Variants in CORO1C observed in about 807,000 individuals in gnomAD.
CORO1C encodes the protein coronin-1C.
CORO1C carries 14 observed loss-of-function variants against 51.2 expected under a neutral mutation model. The observed-to-expected ratio is 0.27, with a 90% CI of 0.18 to 0.43. The LOEUF (loss-of-function observed/expected upper bound fraction) is 0.43, where lower values mean the gene tolerates loss of function less well. Ranked by LOEUF, CORO1C falls within the 20% of genes least tolerant of loss-of-function variation. The pLI, the probability that CORO1C is intolerant of heterozygous loss-of-function variation, is 1.00. For synonymous variants in CORO1C, 181 were observed against 210.5 expected (o/e 0.86, Z 1.21); for missense variants, 417 against 607.8 (o/e 0.69, Z 3.30).
intron 2 of CORO1C, 46 bp from the exon 3 acceptor site, chr12:108,678,440 A>T (rs1405002097): frequency 6.9e-7 from 1 of 1,447,352 alleles, no homozygotes; most frequent in South Asian, 1.5e-5. Context: ...TCAACACCAC[A>T]GACGTTATAC....
chr12:108,665,274 A>T (rs2033429948), intron 3 of CORO1C, among the ~76,000 whole-genome samples: 1 of 152,188 alleles, frequency 6.6e-6, no homozygotes, highest in Non-Finnish European at 1.5e-5. Flanking sequence ...ATTAATTTTT[A>T]AAATAAGGAA....
At chr12:108,724,302 G>A (rs577426132) in intron 1 of CORO1C, among the ~76,000 whole-genome samples, 2 of 152,250 alleles carry the variant, frequency 1.3e-5, no homozygotes, top group East Asian at 3.9e-4. Context: ...AGACTACAAA[G>A]GGAAAGCCAT....
chr12:108,655,975 A>G (rs1379826793), intron 6 of CORO1C, among the ~76,000 whole-genome samples: 1 of 142,120 alleles, frequency 7.0e-6, no homozygotes, highest in Non-Finnish European at 1.5e-5. Flanking sequence ...AGATGTGGGG[A>G]GCGCCTCTGC....
chr12:108,674,029 G>GA (rs57315277), intron 3 of CORO1C, among the ~76,000 whole-genome samples: 11 of 150,334 alleles, frequency 7.3e-5, no homozygotes, highest in South Asian at 4.2e-4. Context: ...CACCGATCAG[G>GA]AAAAAAAAAG....
chr12:108,678,521 T>C (rs1171702448), intron 2 of CORO1C, 127 bp from the exon 3 acceptor site: 33 of 710,702 alleles, frequency 4.6e-5, no homozygotes, highest in Non-Finnish European at 6.2e-5. Flanking sequence ...TGACATCGTA[T>C]AGTCAATATC....
chr12:108,661,595 G>A (rs2033264778), intron 4 of CORO1C, among the ~76,000 whole-genome samples: 2 of 150,400 alleles, frequency 1.3e-5, no homozygotes, highest in African/African-American at 2.4e-5. Flanking sequence ...GTATAGCAGG[G>A]GAAAATCAAA....
Position 108,648,724 on chromosome 12 carries a change from G to T in CORO1C, c.1186C>A (p.Pro396Thr). Residue 396 changes from proline (P) to threonine (T), a missense_variant, in exon 10 of 11, where the codon CCA (proline) becomes ACA (threonine). Pro to Thr is a conservative substitution (Grantham distance 38). Transcript: ENST00000261401. ...ILISLKHGYI[P>T]GKNRDLKVVK... Reference sequence around the variant, plus strand: ...ACCTTGAGATCCCTGTTTTTGCCTGGAATGTACCCGTGCTTCAAGGAGATG... The same window carrying T: ...ACCTTGAGATCCCTGTTTTTGCCTGTAATGTACCCGTGCTTCAAGGAGATG... 6 of 1,614,078 alleles carry T rather than the reference G, an allele frequency of 3.7e-6. No individual in the cohort carries two copies. Among genetic ancestry groups the T allele is most frequent in the Non-Finnish European group, 4.2e-6 (5 of 1,179,990 alleles).
At chr12:108,652,187 G>T in intron 8 of CORO1C, 85 bp downstream of exon 8, 1 of 1,248,398 alleles carries the variant, frequency 8.0e-7, no homozygotes, top group Non-Finnish European at 1.1e-6. Flanking sequence ...ATATTTTTGA[G>T]ATCTGAAGTA....
At chr12:108,691,028 C>G (rs1410557690) in intron 2 of CORO1C, among the ~76,000 whole-genome samples, 6 of 151,684 alleles carry the variant, frequency 4.0e-5, no homozygotes, top group Non-Finnish European at 7.4e-5. Flanking sequence ...ATCCACAGGT[C>G]TCAGAATGAA....
chr12:108,656,259 C>A (rs2032991414), intron 6 of CORO1C, among the ~76,000 whole-genome samples: 1 of 151,644 alleles, frequency 6.6e-6, no homozygotes, highest in Non-Finnish European at 1.5e-5. Context: ...AGCGTCTCTG[C>A]CCGGCAGCCA....
At chr12:108,730,248 T>G (rs2136896087) in intron 1 of CORO1C, 2 of 152,362 alleles carry the variant, frequency 1.3e-5, no homozygotes, top group Admixed American at 1.3e-4. Flanking sequence ...AAGGGCAGCC[T>G]ACATTACGGC....
At chr12:108,669,959 T>G (rs960983514) in intron 3 of CORO1C, among the ~76,000 whole-genome samples, 2 of 152,156 alleles carry the variant, frequency 1.3e-5, no homozygotes, top group Non-Finnish European at 2.9e-5. Flanking sequence ...TTAGAAAGAT[T>G]TATCCCAAAG....
intron 3 of CORO1C, among the ~76,000 whole-genome samples, chr12:108,666,686 C>G (rs1313051846): frequency 6.6e-6 from 1 of 152,176 alleles, no homozygotes; most frequent in African/African-American, 2.4e-5. Context: ...TGTCAGAAGA[C>G]ACAGGCTCCT....
intron 5 of CORO1C, among the ~76,000 whole-genome samples, chr12:108,657,732 C>G (rs907735922): frequency 6.6e-6 from 1 of 152,230 alleles, no homozygotes; most frequent in Non-Finnish European, 1.5e-5. Context: ...AGGACTCTGA[C>G]AAATGTTTGT....
chr12:108,720,669 G>A (rs1592952464), intron 1 of CORO1C, among the ~76,000 whole-genome samples: 1 of 151,680 alleles, frequency 6.6e-6, no homozygotes, highest in Admixed American at 6.6e-5. Flanking sequence ...GACTACAGGC[G>A]CCCGCCACCA....
At chr12:108,687,890 G>A (rs2034355485) in intron 2 of CORO1C, among the ~76,000 whole-genome samples, 1 of 151,114 alleles carries the variant, frequency 6.6e-6, no homozygotes, top group African/African-American at 2.4e-5. Flanking sequence ...AATCACAACA[G>A]CTTCCACTTA....
At chr12:108,680,505 G>A (rs2034087994) in intron 2 of CORO1C, among the ~76,000 whole-genome samples, 1 of 152,194 alleles carries the variant, frequency 6.6e-6, no homozygotes, top group African/African-American at 2.4e-5. Context: ...ATAAATGGTT[G>A]AGAACCAGAC....
At chr12:108,714,206 T>C (rs756472501) in intron 1 of CORO1C, among the ~76,000 whole-genome samples, 13 of 151,756 alleles carry the variant, frequency 8.6e-5, no homozygotes, top group African/African-American at 1.9e-4. Context: ...CTGGCCAACA[T>C]AGTGAAACCC....
At position 108,717,195 on chromosome 12, in the gene CORO1C, G is replaced by C. The variant is rs532122373; in HGVS notation, c.-6+14234C>G. On this transcript the variant is annotated intron_variant, in intron 1 of 10. Transcript: ENST00000261401. ...GAGAAGAAAAGTGAGTCCCAGCTGG[G>C]AGGAACAACAAAATATCAAAAGTCT... Among the ~76,000 whole-genome samples the C allele has an allele frequency of 2.6e-5, 4 of 152,326 alleles. No homozygotes were observed. In the South Asian group the frequency reaches 8.3e-4, roughly 32 times the overall value.
Sources: gnomAD v4.1 joint callset for allele counts (sites outside exome capture counted in the v4.1 genomes callset) on GRCh38, gnomAD v4.1.1 for gene constraint, MANE v1.5 for transcripts, NCBI Gene and HGNC (gene_info 2026-07-23, HGNC 2026-07-21) for gene names.